Variants in VWC2 observed in about 807,000 individuals in gnomAD.
VWC2 encodes the protein brorin.
VWC2 carries 14 observed loss-of-function variants against 29.8 expected under a neutral mutation model. The observed-to-expected ratio is 0.47, with a 90% CI of 0.31 to 0.74. The LOEUF is 0.74. Ranked by LOEUF, VWC2 falls within the 30% of genes least tolerant of loss-of-function variation. The pLI is 0.05. For missense variants in VWC2, 457 were observed against 459.8 expected (o/e 0.99, Z 0.05); for synonymous variants, 213 against 199.0 (o/e 1.07, Z -0.59).
At chr7:49,883,956 AGGTGTGATGGT>A (rs1363595754) in intron 3 of VWC2, among the ~76,000 whole-genome samples, 8 of 152,232 alleles carry the variant, frequency 5.3e-5, no homozygotes, top group African/African-American at 1.9e-4. Context: ...AATCCCCCTT[AGGTGTGATGGT>A]GGAGAAAGCA....
intron 3 of VWC2, among the ~76,000 whole-genome samples, chr7:49,852,766 T>C (rs971720625): frequency 6.6e-6 from 1 of 152,196 alleles, no homozygotes; most frequent in African/African-American, 2.4e-5. Flanking sequence ...TTCCAAACCC[T>C]GGTTCCTCCC....
chr7:49,809,815 C>G (rs1056883593), intron 3 of VWC2, among the ~76,000 whole-genome samples: 1 of 151,914 alleles, frequency 6.6e-6, no homozygotes, highest in Non-Finnish European at 1.5e-5. Context: ...TTTGAAAAAT[C>G]CAACACTCAT....
intron 3 of VWC2, among the ~76,000 whole-genome samples, chr7:49,836,859 A>G (rs1490562472): frequency 6.6e-6 from 1 of 152,190 alleles, no homozygotes; most frequent in Non-Finnish European, 1.5e-5. Context: ...GTTGTATCAT[A>G]TATTCTTCTC....
At chr7:49,782,775 G>GC (rs1788206310) in intron 2 of VWC2, among the ~76,000 whole-genome samples, 1 of 151,870 alleles carries the variant, frequency 6.6e-6, no homozygotes, top group South Asian at 2.1e-4. Context: ...AATGGCTTGA[G>GC]CCCAAGAATT....
chr7:49,910,943 T>C (rs1240649625), intron 3 of VWC2, among the ~76,000 whole-genome samples: 1 of 152,114 alleles, frequency 6.6e-6, no homozygotes. Flanking sequence ...CTCCAGGCCA[T>C]TGTAATGTAT....
chr7:49,886,934 AT>A (rs961452019), intron 3 of VWC2, among the ~76,000 whole-genome samples: 40 of 149,850 alleles, frequency 2.7e-4, no homozygotes, highest in Non-Finnish European at 4.5e-4. Flanking sequence ...CTTTTTAGTT[AT>A]TTTTTTTTCT....
chr7:49,825,725 C>T (rs1789375793), intron 3 of VWC2, among the ~76,000 whole-genome samples: 1 of 152,202 alleles, frequency 6.6e-6, no homozygotes, highest in Admixed American at 6.5e-5. Flanking sequence ...ACCTGAACTG[C>T]AGGTGAGTTG....
In VWC2 at chr7:49,790,687, C is replaced by A. The variant is rs1372905549; in HGVS notation, c.697-12024C>A. On this transcript the variant is annotated intron_variant, in intron 2 of 3. Coordinates refer to ENST00000340652, the MANE Select transcript of VWC2 (RefSeq NM_198570.5). The stretch of plus-strand genomic sequence containing the variant: ...TGAAGGGACATCACATGGCAGGGCA[C>A]CTCCCAGCCCTCAGGGGGTCGGGGA... Among the ~76,000 whole-genome samples, 4 of 151,952 alleles carry A rather than the reference C, an allele frequency of 2.6e-5. 1 individual carries two copies. Among genetic ancestry groups the A allele is most frequent in the South Asian group, 4.2e-4 (2 of 4,798 alleles).
intron 3 of VWC2, among the ~76,000 whole-genome samples, chr7:49,866,558 G>A (rs930012398): frequency 3.3e-5 from 5 of 151,896 alleles, no homozygotes; most frequent in African/African-American, 1.2e-4. Context: ...TTTCGAGTTC[G>A]GGCTTGCCCA....
At chr7:49,829,769 T>C (rs1339315859) in intron 3 of VWC2, among the ~76,000 whole-genome samples, 1 of 152,226 alleles carries the variant, frequency 6.6e-6, no homozygotes, top group Non-Finnish European at 1.5e-5. Context: ...TCTTTGCATC[T>C]TCAGCTCTCT....
rs941094611 is a variant in VWC2, at chr7:49,916,170, T to C, written c.*3985T>C. 6.6e-6 allele frequency: 1 copy of C among 152,234 alleles called. No individual in the cohort carries two copies. The highest frequency in any genetic ancestry group is 2.4e-5 in the African/African-American group (1 of 41,464). The allele number at this position is 152,234 out of a possible 1,614,324, so 9.4% of individuals were successfully genotyped here. ...CAGTCTATTATTTTAGTTTTCTAAA[T>C]GTAGATCTAGTTTTCAACTGAATTC... On this transcript the variant is annotated 3_prime_UTR_variant, in exon 4 of 4. Transcript: ENST00000340652.
intron 3 of VWC2, among the ~76,000 whole-genome samples, chr7:49,847,226 AATATAATAT>A: frequency 6.8e-6 from 1 of 147,578 alleles, no homozygotes; most frequent in East Asian, 1.9e-4. Flanking sequence ...AATATAATAT[AATATAATAT>A]ATATAATATA....
chr7:49,808,951 T>C (rs916568334), intron 3 of VWC2, among the ~76,000 whole-genome samples: 2 of 151,988 alleles, frequency 1.3e-5, no homozygotes, highest in East Asian at 3.9e-4. Flanking sequence ...AAATCAGCAA[T>C]GTAACCCTCT....
intron 3 of VWC2, among the ~76,000 whole-genome samples, chr7:49,832,352 A>G (rs1789552290): frequency 6.6e-6 from 1 of 152,096 alleles, no homozygotes; most frequent in Admixed American, 6.5e-5. Flanking sequence ...TTTCTGAGAA[A>G]CAGAATTTGC....
intron 3 of VWC2, among the ~76,000 whole-genome samples, chr7:49,828,237 A>T (rs1374227544): frequency 6.6e-6 from 1 of 152,202 alleles, no homozygotes; most frequent in African/African-American, 2.4e-5. Flanking sequence ...CGTTGTACAA[A>T]TAAACCACAA....
chr7:49,852,522 G>C (rs911637502), intron 3 of VWC2, among the ~76,000 whole-genome samples: 5 of 152,076 alleles, frequency 3.3e-5, no homozygotes, highest in African/African-American at 7.2e-5. Flanking sequence ...CTTAAAATTG[G>C]GGGGGCAGAA....
At chr7:49,818,716 A>G in intron 3 of VWC2, among the ~76,000 whole-genome samples, 1 of 151,660 alleles carries the variant, frequency 6.6e-6, no homozygotes, top group Middle Eastern at 3.5e-3. Context: ...GTAAAATTGA[A>G]GATAAAAATA....
At chr7:49,788,678 T>C (rs1484674228) in intron 2 of VWC2, among the ~76,000 whole-genome samples, 1 of 111,914 alleles carries the variant, frequency 8.9e-6, no homozygotes. Flanking sequence ...AGTCTGTGAG[T>C]GTGGGTGTGT....
In VWC2 at chr7:49,918,699, C is replaced by A. The variant is rs538974724; in HGVS notation, c.*6514C>A. 7.2e-5 allele frequency: 11 copies of A among 152,272 alleles called. No individual in the cohort carries two copies. In the East Asian group the frequency reaches 1.7e-3, roughly 24 times the overall value. The allele number at this position is 152,272 out of a possible 1,614,324, so 9.4% of individuals were successfully genotyped here. A position where few individuals can be genotyped will look rare whatever the true frequency, so the allele number is the denominator to read the frequency against. On this transcript the variant is annotated 3_prime_UTR_variant, in exon 4 of 4. Coordinates refer to ENST00000340652, the MANE Select transcript of VWC2 (RefSeq NM_198570.5). Reference sequence around the variant, plus strand: ...ACACTACAATTTCAAATTTCATATTCTTTTATCTGATTTATTCATTTTATC... The same window carrying A: ...ACACTACAATTTCAAATTTCATATTATTTTATCTGATTTATTCATTTTATC...
Sources: allele counts gnomAD v4.1 joint callset (sites outside exome capture counted in the v4.1 genomes callset), GRCh38; gene constraint gnomAD v4.1.1; transcripts MANE v1.5; gene names NCBI Gene and HGNC (gene_info 2026-07-23, HGNC 2026-07-21).